The following DBR1 variants were observed in gnomAD, a reference collection of about 807,000 sequenced individuals.
DBR1 encodes the protein lariat debranching enzyme.
A neutral mutation model predicts 45.9 loss-of-function variants in DBR1; 33 were observed. The ratio of observed to expected loss-of-function variants is 0.72; its 90% CI spans 0.55 to 0.96. DBR1 has a LOEUF of 0.96. Ranked by LOEUF, DBR1 falls within the 40% of genes least tolerant of loss-of-function variation. DBR1 has a pLI of 0.00. For missense variants in DBR1, 619 were observed against 667.4 expected, an observed-to-expected ratio of 0.93 and a Z score of 0.80; for synonymous variants, 235 against 235.9, an observed-to-expected ratio of 1.00 and a Z score of 0.04.
rs777010894 is a variant in DBR1 at position 138,162,045 on chromosome 3, A to G, written c.1479T>C (p.Pro493=). ...VDSTIDREGK[P]GGTVESGNGE... ...CATTCCCTGACTCCACAGTCCCACCAGGTTTCCCCTCTCTATCAATTGTGG... is the reference window on the plus strand; with the variant it reads ...CATTCCCTGACTCCACAGTCCCACCGGGTTTCCCCTCTCTATCAATTGTGG... The change falls in exon 8 of 8, where the codon CCT becomes CCC. Residue 493 remains proline, a synonymous_variant. Transcript: ENST00000260803. The G allele has an allele frequency of 1.2e-6, 2 of 1,614,114 alleles. No individual in the cohort carries two copies. Among genetic ancestry groups the G allele is most frequent in the Non-Finnish European group, 1.7e-6 (2 of 1,180,010 alleles).
In DBR1 at chr3:138,162,530, T is replaced by C. The variant is rs1223976836; in HGVS notation, c.994A>G (p.Asn332Asp). 4 of 1,613,434 alleles carry C rather than the reference T, an allele frequency of 2.5e-6. No individual in the cohort carries two copies. Among genetic ancestry groups the C allele is most frequent in the African/African-American group, 1.3e-5 (1 of 75,062 alleles). Residue 332 changes from asparagine (N) to aspartate (D), a missense_variant, in exon 8 of 8, where the codon AAT becomes GAT. Physicochemically the swap from Asn to Asp is conservative, Grantham distance 23 (BLOSUM62 1). This residue lies in a region of DBR1 where 430 missense variants were observed against 447.7 expected (regional missense o/e 0.96). Transcript: ENST00000260803. Reference protein sequence around the residue: ...EGMKEVLEKLNHDLKVPCNFS... With the variant: ...EGMKEVLEKLDHDLKVPCNFS... ...TTACATGGAACCTTGAGATCATGAT[T>C]CAATTTTTCCAATACTTCTTTCATA... is the stretch of plus-strand genomic sequence containing the variant.
intron 5 of DBR1, 181 bp from the exon 6 acceptor site, chr3:138,164,039 A>G (rs2042919509): frequency 2.3e-6 from 1 of 439,106 alleles, no homozygotes; most frequent in East Asian, 3.7e-5. Flanking sequence ...ATAAAAGAGA[A>G]GGCATTTAAC....
chr3:138,163,317 A>G, intron 7 of DBR1, 32 bp downstream of exon 7: 1 of 1,601,752 alleles, frequency 6.2e-7, no homozygotes, highest in Non-Finnish European at 8.5e-7. Context: ...CATGCAATGG[A>G]AAAAGCAGGT....
chr3:138,166,963 G>A (rs895631295), intron 5 of DBR1, 118 bp downstream of exon 5: 2 of 869,970 alleles, frequency 2.3e-6, no homozygotes, highest in Non-Finnish European at 3.6e-6. Context: ...ATCATATATT[G>A]AGCTACTCAC....
intron 1 of DBR1, 99 bp from the exon 2 acceptor site, chr3:138,173,725 T>G (rs2042965728): frequency 7.3e-7 from 1 of 1,379,166 alleles, no homozygotes; most frequent in Non-Finnish European, 9.8e-7. Context: ...CATAAAAAGT[T>G]AAAAAGCTCT....
At chr3:138,172,015 A>C (rs1445884310) in intron 2 of DBR1, among the ~76,000 whole-genome samples, 3 of 152,222 alleles carry the variant, frequency 2.0e-5, no homozygotes, top group Non-Finnish European at 4.4e-5. Context: ...AACTGAATAC[A>C]CGGGTGAGGT....
At chr3:138,170,467 C>T (rs2042949163) in intron 3 of DBR1, among the ~76,000 whole-genome samples, 1 of 152,064 alleles carries the variant, frequency 6.6e-6, no homozygotes, top group Non-Finnish European at 1.5e-5. Flanking sequence ...TCCTTATGCT[C>T]CCAATATTAA....
At chr3:138,165,423 C>A (rs1330163253) in intron 5 of DBR1, among the ~76,000 whole-genome samples, 1 of 152,128 alleles carries the variant, frequency 6.6e-6, no homozygotes, top group Admixed American at 6.5e-5. Context: ...GATGCTCAAT[C>A]TGTATTAAGA....
rs963050754 is a variant in DBR1, at chr3:138,174,475, G to C, written c.197+124C>G. The C allele has an allele frequency of 2.5e-5, 26 of 1,021,572 alleles. No individual in the cohort carries two copies. The African/African-American group carries it at 3.5e-4, about 14-fold the overall frequency. 63.3% of individuals were successfully genotyped at this position (1,021,572 alleles called of 1,614,324 possible). ...TCCCACTACCTCACCCCTGTATTCA[G>C]TTAGGCACCAATTAGAGATACAGAG... On this transcript the variant is annotated intron_variant, in intron 1 of 7. Coordinates refer to ENST00000260803, the MANE Select transcript of DBR1 (RefSeq NM_016216.4).
intron 2 of DBR1, among the ~76,000 whole-genome samples, chr3:138,172,103 C>A (rs1188242547): frequency 6.6e-6 from 1 of 152,122 alleles, no homozygotes; most frequent in African/African-American, 2.4e-5. Context: ...TATAAAGAAC[C>A]TACAGCTTCT....
At chr3:138,171,829 G>C in intron 2 of DBR1, 116 bp from the exon 3 acceptor site, 1 of 748,602 alleles carries the variant, frequency 1.3e-6, no homozygotes, top group South Asian at 1.6e-5. Context: ...TGAAAATTAA[G>C]CACCATGATG....
At position 138,161,319 on chromosome 3, in the gene DBR1, T is replaced by TA. The variant is rs907827276; in HGVS notation, c.*569dup. 1.3e-5 allele frequency: 2 copies of TA among 153,094 alleles called. No individual in the cohort carries two copies. Among genetic ancestry groups the TA allele is most frequent in the African/African-American group, 4.8e-5 (2 of 41,380 alleles). 9.5% of individuals were successfully genotyped at this position (153,094 alleles called of 1,614,324 possible). ...GTAGATGTTAAGTAAGTGTTTATTGTAAAAATGGAAGTGAATAATGTATGT... is the reference window on the plus strand; with the variant it reads ...GTAGATGTTAAGTAAGTGTTTATTGTAAAAAATGGAAGTGAATAATGTATGT... On this transcript the variant is annotated 3_prime_UTR_variant, in exon 8 of 8. Coordinates refer to ENST00000260803, the MANE Select transcript of DBR1 (RefSeq NM_016216.4).
At chr3:138,170,761 T>G (rs2107905522) in intron 3 of DBR1, among the ~76,000 whole-genome samples, 1 of 152,370 alleles carries the variant, frequency 6.6e-6, no homozygotes, top group East Asian at 1.9e-4. Flanking sequence ...GAAATCGATG[T>G]GAATCCAAGC....
intron 5 of DBR1, among the ~76,000 whole-genome samples, chr3:138,164,946 C>A (rs981792607): frequency 6.6e-6 from 1 of 152,016 alleles, no homozygotes; most frequent in African/African-American, 2.4e-5. Flanking sequence ...CATGCCAAAA[C>A]ATATTAATTT....
intron 4 of DBR1, 130 bp from the exon 5 acceptor site, chr3:138,167,435 C>A: frequency 1.5e-6 from 1 of 661,834 alleles, no homozygotes; most frequent in South Asian, 1.9e-5. Flanking sequence ...ATAATTCATT[C>A]TAAGGACACT....
chr3:138,171,806 T>G, intron 2 of DBR1, 93 bp from the exon 3 acceptor site: 1 of 923,192 alleles, frequency 1.1e-6, no homozygotes, highest in Non-Finnish European at 1.7e-6. Context: ...TTCCACACAG[T>G]TCTAAAATTA....
chr3:138,174,905 T>C lies in DBR1; in HGVS notation c.-110A>G. 2 of 1,014,172 alleles carry C rather than the reference T, an allele frequency of 2.0e-6. No homozygotes were observed. The highest frequency in any genetic ancestry group is 2.6e-5 in the East Asian group (1 of 38,372). 62.8% of individuals were successfully genotyped at this position (1,014,172 alleles called of 1,614,324 possible). A position where few individuals can be genotyped will look rare whatever the true frequency, so the allele number is the denominator to read the frequency against. On this transcript the variant is annotated 5_prime_UTR_variant, in exon 1 of 8. Coordinates refer to ENST00000260803, the MANE Select transcript of DBR1 (RefSeq NM_016216.4). ...AACTTTAATAAGTATAGCCACCGCC[T>C]GGGTGTAGACTCCTGCAAAATAATT...
chr3:138,173,762 C>A (rs2042965877), intron 1 of DBR1, 136 bp from the exon 2 acceptor site: 1 of 919,864 alleles, frequency 1.1e-6, no homozygotes, highest in African/African-American at 1.7e-5. Flanking sequence ...TGGGGCTGGG[C>A]GCGGTGGCTC....
In DBR1 at chr3:138,163,860, T is replaced by C; in HGVS notation, c.715-2A>G. ...GGCTGTCTGTCCTTTATCCTTTGCC[T>C]GGACAATATGAATCATGATTTAAGA... On this transcript the variant is annotated splice_acceptor_variant, in intron 5 of 7. Transcript: ENST00000260803. LOFTEE classifies it high-confidence loss of function. The C allele has an allele frequency of 3.1e-6, 5 of 1,606,586 alleles. No homozygotes were observed. The highest frequency in any genetic ancestry group is 4.3e-6 in the Non-Finnish European group (5 of 1,173,560).
Sources: allele counts gnomAD v4.1 joint callset (sites outside exome capture counted in the v4.1 genomes callset), GRCh38; gene constraint gnomAD v4.1.1; regional missense constraint gnomAD v4.1.1; transcripts MANE v1.5; gene names NCBI Gene and HGNC (gene_info 2026-07-23, HGNC 2026-07-21).